Variants in PARP4 observed in about 807,000 individuals in gnomAD.
The protein encoded by PARP4 is protein mono-ADP-ribosyltransferase PARP4.
Under a neutral mutation model 187.7 loss-of-function variants are expected in PARP4, and 120 were observed. The ratio of observed to expected loss-of-function variants is 0.64; its 90% CI spans 0.55 to 0.74. The LOEUF (loss-of-function observed/expected upper bound fraction) is 0.74. PARP4 is among the 30% of genes least tolerant of loss of function. The pLI is 0.00. For missense variants in PARP4, 1,836 were observed against 2,070.5 expected (o/e 0.89, Z 2.20); for synonymous variants, 654 against 740.9 (o/e 0.88, Z 1.90).
intron 22 of PARP4, 30 bp downstream of exon 22, chr13:24,454,987 C>CA: frequency 6.6e-7 from 1 of 1,522,312 alleles, no homozygotes; most frequent in African/African-American, 1.4e-5. Flanking sequence ...AGGGGAAGCA[C>CA]ACGCAGGACC....
At chr13:24,470,993 C>A (rs1872708353) in intron 15 of PARP4, among the ~76,000 whole-genome samples, 1 of 152,142 alleles carries the variant, frequency 6.6e-6, no homozygotes, top group Non-Finnish European at 1.5e-5. Flanking sequence ...CCGGTCTGGC[C>A]AGCCACCCAA....
Position 24,448,367 on chromosome 13 carries a change from C to T in PARP4, c.3115-1181G>A, listed in dbSNP as rs531484682. Among the ~76,000 whole-genome samples the T allele has an allele frequency of 9.2e-5, 14 of 151,958 alleles. No individual in the cohort carries two copies. The South Asian group carries it at 2.7e-3, about 29-fold the overall frequency. ...AGGCTGTGGTGAGCTATGATTGTAC[C>T]ACTGTACTCCAGCCTAGATGACCGA... On this transcript the variant is annotated intron_variant, in intron 25 of 33. Coordinates refer to ENST00000381989, the MANE Select transcript of PARP4 (RefSeq NM_006437.4).
chr13:24,503,570 C>A, intron 2 of PARP4, 75 bp downstream of exon 2: 1 of 1,526,314 alleles, frequency 6.6e-7, no homozygotes, highest in Non-Finnish European at 9.0e-7. Context: ...ATCTCTGCTT[C>A]CTCTTCTAAC....
At chr13:24,476,665 G>T (rs1243512966) in intron 14 of PARP4, among the ~76,000 whole-genome samples, 2 of 152,162 alleles carry the variant, frequency 1.3e-5, no homozygotes, top group Non-Finnish European at 2.9e-5. Flanking sequence ...AGTCACCCCT[G>T]AACACACATG....
chr13:24,505,624 G>T (rs1010233923), intron 1 of PARP4, among the ~76,000 whole-genome samples: 1 of 152,134 alleles, frequency 6.6e-6, no homozygotes, highest in African/African-American at 2.4e-5. Context: ...CTAACGCTGG[G>T]TTCAAGCAAT....
intron 6 of PARP4, among the ~76,000 whole-genome samples, chr13:24,497,087 G>C (rs574911269): frequency 6.6e-6 from 1 of 151,496 alleles, no homozygotes; most frequent in East Asian, 1.9e-4. Flanking sequence ...AAGGCATCCT[G>C]GTGGGTGTTG....
intron 20 of PARP4, among the ~76,000 whole-genome samples, chr13:24,458,793 G>A (rs1352369739): frequency 6.6e-6 from 1 of 152,020 alleles, no homozygotes; most frequent in Non-Finnish European, 1.5e-5. Context: ...TTCTGAAACA[G>A]GCGAAATCAA....
intron 27 of PARP4, among the ~76,000 whole-genome samples, chr13:24,446,409 T>C: frequency 6.6e-6 from 1 of 152,120 alleles, no homozygotes; most frequent in Middle Eastern, 3.5e-3. Context: ...GGGTATCCAA[T>C]CTTTTGGCTT....
intron 20 of PARP4, 40 bp downstream of exon 20, chr13:24,459,004 G>A: frequency 7.3e-7 from 1 of 1,365,550 alleles, no homozygotes; most frequent in Non-Finnish European, 1.0e-6. Context: ...TAAAAGTAGT[G>A]TTAAAATAAC....
At chr13:24,485,911 TG>T in intron 11 of PARP4, among the ~76,000 whole-genome samples, 1 of 152,316 alleles carries the variant, frequency 6.6e-6, no homozygotes, top group South Asian at 2.1e-4. Context: ...CTTGAACCCC[TG>T]GCCTCAAGTG....
chr13:24,470,192 G>A (rs1484576711), intron 15 of PARP4, among the ~76,000 whole-genome samples, 167 bp from the exon 16 acceptor site: 1 of 152,180 alleles, frequency 6.6e-6, no homozygotes, highest in African/African-American at 2.4e-5. Flanking sequence ...GAGAGCCCAT[G>A]TCATGTGATA....
chr13:24,487,823 T>G lies in PARP4; in HGVS notation c.1215-1518A>C, dbSNP rs572284695. Among the ~76,000 whole-genome samples, 648 of 152,168 alleles carry G rather than the reference T, an allele frequency of 4.3e-3. 2 individuals carry two copies. The highest frequency in any genetic ancestry group is 0.014 in the African/African-American group (599 of 41,450). ...GCTGGCTTACCAGCACACCCCCGGG[T>G]GAGCAGCATCGGGGTGATTCAGGCT... On this transcript the variant is annotated intron_variant, in intron 10 of 33. Transcript: ENST00000381989.
At position 24,499,351 on chromosome 13, in the gene PARP4, G is replaced by T; in HGVS notation, c.427C>A (p.Pro143Thr). Residue 143 changes from proline to threonine, a missense_variant, in exon 5 of 34, where the codon CCT becomes ACT. Physicochemically the swap from Pro to Thr is conservative, Grantham distance 38 (BLOSUM62 -1). This residue lies in a region of PARP4 where 1,147 missense variants were observed against 1,214.2 expected (regional missense o/e 0.94). Transcript: ENST00000381989. ...TEFGMQNVEIPHLPQDFEVAK... is the reference protein window; with the variant it reads ...TEFGMQNVEITHLPQDFEVAK... ...ACTTCAAAATCTTGAGGAAGATGAG[G>T]AATTTCAACATTCTGCATACCAAAC... 6.3e-7 allele frequency: 1 copy of T among 1,580,246 alleles called. No individual in the cohort carries two copies. The highest frequency in any genetic ancestry group is 8.6e-7 in the Non-Finnish European group (1 of 1,165,588).
intron 4 of PARP4, 103 bp downstream of exon 4, chr13:24,500,213 A>C: frequency 1.7e-6 from 1 of 574,040 alleles, no homozygotes; most frequent in South Asian, 3.4e-5. Flanking sequence ...AATAAATTAA[A>C]ATAAGAAAAA....
At chr13:24,484,063 A>G (rs1340987580) in intron 12 of PARP4, among the ~76,000 whole-genome samples, 1 of 152,160 alleles carries the variant, frequency 6.6e-6, no homozygotes, top group Admixed American at 6.5e-5. Context: ...CTGGGCCTGA[A>G]CTCAGTCTCC....
intron 7 of PARP4, 80 bp downstream of exon 7, chr13:24,494,493 C>T: frequency 1.5e-6 from 2 of 1,302,994 alleles, no homozygotes; most frequent in Non-Finnish European, 2.1e-6. Flanking sequence ...AAGCCTGGCC[C>T]AGTCTTTTAT....
chr13:24,437,964 G>T (rs761662591), intron 30 of PARP4, among the ~76,000 whole-genome samples: 5 of 152,032 alleles, frequency 3.3e-5, no homozygotes, highest in Admixed American at 6.6e-5. Flanking sequence ...CACCATGTTG[G>T]CCAGGCTGGT....
rs139505325 is a variant in PARP4 at position 24,501,779 on chromosome 13, G to T, written c.188C>A (p.Ser63Tyr). 9.9e-6 allele frequency: 16 copies of T among 1,612,806 alleles called. No homozygotes were observed. The African/African-American group carries it at 2.0e-4, about 20-fold the overall frequency. ...ADVLSQYQLN[S>Y]IQKNHVHIAN... The stretch of plus-strand genomic sequence containing the variant: ...AATATGAACGTGGTTCTTTTGGATA[G>T]AATTCAGTTGGTACTGACTCAGAAC... The change falls in exon 3 of 34, where the codon TCT (serine) becomes TAT (tyrosine). Residue 63 changes from serine to tyrosine, a missense_variant. Transcript: ENST00000381989.
intron 1 of PARP4, among the ~76,000 whole-genome samples, chr13:24,505,145 C>T (rs2137550019): frequency 6.6e-6 from 1 of 152,050 alleles, no homozygotes; most frequent in South Asian, 2.1e-4. Context: ...GAAAGACACA[C>T]ACACACACAC....
Sources: allele counts gnomAD v4.1 joint callset (sites outside exome capture counted in the v4.1 genomes callset), GRCh38; gene constraint gnomAD v4.1.1; regional missense constraint gnomAD v4.1.1; transcripts MANE v1.5; gene names NCBI Gene and HGNC (gene_info 2026-07-23, HGNC 2026-07-21).